LINGO2: variants seen among roughly 807,000 people sequenced by gnomAD.
LINGO2 encodes the protein leucine-rich repeat and immunoglobulin-like domain-containing nogo receptor-interacting protein 2.
LINGO2 carries 14 observed loss-of-function variants against 30.6 expected under a neutral mutation model. The ratio of observed to expected loss-of-function variants is 0.46; its 90% CI spans 0.30 to 0.72. The LOEUF (loss-of-function observed/expected upper bound fraction) is 0.72. Among genes scored for constraint, LINGO2 ranks in the 30% least tolerant of loss-of-function variants. The pLI is 0.07. For missense variants in LINGO2, 729 were observed against 751.7 expected (o/e 0.97, Z 0.35); for synonymous variants, 317 against 288.5 (o/e 1.10, Z -1.00).
intron 2 of LINGO2, among the ~76,000 whole-genome samples, chr9:28,414,012 CT>C (rs35603743): frequency 0.3 from 45,858 of 151,766 alleles, 7,201 homozygotes; most frequent in Non-Finnish European, 0.32. Flanking sequence ...ATTGCCTCCC[CT>C]ATGACATATA....
intron 2 of LINGO2, among the ~76,000 whole-genome samples, chr9:28,376,693 C>T (rs1662200450): frequency 6.6e-6 from 1 of 152,172 alleles, no homozygotes; most frequent in Non-Finnish European, 1.5e-5. Context: ...ACATTGATCC[C>T]AAGTAACTTC....
chr9:27,968,624 C>T (rs993931752), intron 5 of LINGO2, among the ~76,000 whole-genome samples: 8 of 151,638 alleles, frequency 5.3e-5, no homozygotes, highest in Admixed American at 6.6e-5. Context: ...GTTTTCAATG[C>T]GCATTGTATT....
At chr9:28,589,532 C>T (rs547314812) in intron 1 of LINGO2, among the ~76,000 whole-genome samples, 1 of 151,928 alleles carries the variant, frequency 6.6e-6, no homozygotes, top group Non-Finnish European at 1.5e-5. Flanking sequence ...GCCAAATCAT[C>T]AGTGAACTCC....
chr9:29,168,910 T>C, the LINGO2 span, among the ~76,000 whole-genome samples: 1 of 152,162 alleles, frequency 6.6e-6, no homozygotes, highest in Non-Finnish European at 1.5e-5. Flanking sequence ...ACTGTCCTGT[T>C]TTTAAATATT....
chr9:29,084,401 A>G, the LINGO2 span, among the ~76,000 whole-genome samples: 2 of 152,088 alleles, frequency 1.3e-5, no homozygotes. Context: ...ATTTGATTGT[A>G]TTTTACATTA....
chr9:28,256,802 A>G (rs562440696), intron 4 of LINGO2, among the ~76,000 whole-genome samples: 1 of 152,088 alleles, frequency 6.6e-6, no homozygotes, highest in Non-Finnish European at 1.5e-5. Flanking sequence ...AAAATGTGAA[A>G]CATACAAAGA....
intron 5 of LINGO2, among the ~76,000 whole-genome samples, chr9:27,999,435 T>TGAGAGA (rs1156717819): frequency 6.4e-4 from 66 of 103,016 alleles, no homozygotes; most frequent in African/African-American, 2.4e-3. Flanking sequence ...TGCCTAATCT[T>TGAGAGA]CAGAGAGAGA....
intron 1 of LINGO2, among the ~76,000 whole-genome samples, chr9:28,558,092 T>G (rs901792676): frequency 6.6e-6 from 1 of 150,664 alleles, no homozygotes; most frequent in African/African-American, 2.4e-5. Context: ...CACATGTATA[T>G]GTATGTAACT....
chr9:29,119,362 C>T, the LINGO2 span, among the ~76,000 whole-genome samples: 17 of 143,796 alleles, frequency 1.2e-4, no homozygotes, highest in East Asian at 7.0e-4. Flanking sequence ...TGCACGTGTG[C>T]GCGCACACAC....
At chr9:28,086,643 T>G (rs1825923907) in intron 4 of LINGO2, among the ~76,000 whole-genome samples, 1 of 150,300 alleles carries the variant, frequency 6.7e-6, no homozygotes, top group Non-Finnish European at 1.5e-5. Context: ...AAAACGGTCT[T>G]GATGGCAAAT....
chr9:28,387,635 G>A (rs1412458266), intron 2 of LINGO2, among the ~76,000 whole-genome samples: 2 of 152,128 alleles, frequency 1.3e-5, no homozygotes, highest in Non-Finnish European at 2.9e-5. Context: ...GCCAGACCAC[G>A]AACCCATCAG....
At chr9:28,161,919 C>T (rs561436083) in intron 4 of LINGO2, among the ~76,000 whole-genome samples, 31 of 151,962 alleles carry the variant, frequency 2.0e-4, no homozygotes, top group African/African-American at 7.5e-4. Context: ...AACAAATTTT[C>T]CAATGTTTCA....
chr9:28,653,517 C>T (rs1828200398), intron 1 of LINGO2, among the ~76,000 whole-genome samples: 1 of 152,094 alleles, frequency 6.6e-6, no homozygotes, highest in African/African-American at 2.4e-5. Flanking sequence ...ATCTCCATCA[C>T]AGGATACAAA....
At chr9:28,184,001 A>G (rs1819451713) in intron 4 of LINGO2, among the ~76,000 whole-genome samples, 1 of 152,192 alleles carries the variant, frequency 6.6e-6, no homozygotes. Context: ...GCCCTTCTCA[A>G]CAAACTTTCT....
At chr9:28,260,448 G>A (rs1822526771) in intron 4 of LINGO2, among the ~76,000 whole-genome samples, 1 of 151,804 alleles carries the variant, frequency 6.6e-6, no homozygotes, top group Non-Finnish European at 1.5e-5. Context: ...CCTTCCCTAA[G>A]ATACCTAGAT....
chr9:29,037,057 T>C, the LINGO2 span, among the ~76,000 whole-genome samples: 3 of 151,830 alleles, frequency 2.0e-5, no homozygotes, highest in African/African-American at 7.2e-5. Flanking sequence ...GTGACGTTCA[T>C]CTATACCTTT....
intron 4 of LINGO2, among the ~76,000 whole-genome samples, chr9:28,055,745 C>G (rs907761113): frequency 1.3e-5 from 2 of 152,150 alleles, no homozygotes; most frequent in African/African-American, 4.8e-5. Flanking sequence ...AAAGACAAGT[C>G]TCTCTTGGAA....
At chr9:29,013,359 A>G in the LINGO2 span, among the ~76,000 whole-genome samples, 1 of 150,802 alleles carries the variant, frequency 6.6e-6, no homozygotes, top group Non-Finnish European at 1.5e-5. Context: ...TTATACCTTA[A>G]GAGAGCATCT....
the LINGO2 span, among the ~76,000 whole-genome samples, chr9:29,202,494 A>G: frequency 6.6e-6 from 1 of 152,172 alleles, no homozygotes; most frequent in East Asian, 1.9e-4. Context: ...TTATTCTTAT[A>G]AAGTGATCTT....
Sources: gnomAD v4.1 joint callset for allele counts (sites outside exome capture counted in the v4.1 genomes callset) on GRCh38, gnomAD v4.1.1 for gene constraint, MANE v1.5 for transcripts, NCBI Gene and HGNC (gene_info 2026-07-23, HGNC 2026-07-21) for gene names.